CAPRIN2: variants seen among roughly 807,000 people sequenced by gnomAD.
CAPRIN2 encodes caprin family member 2.
In CAPRIN2, 66 loss-of-function variants were observed where a neutral mutation model predicts 130.4. The ratio of observed to expected loss-of-function variants is 0.51; its 90% confidence interval spans 0.42 to 0.62. The LOEUF is 0.62. CAPRIN2 is among the 20% of genes least tolerant of loss of function. The pLI is 0.00. For synonymous variants in CAPRIN2, 471 were observed against 444.1 expected (o/e 1.06, Z -0.76); for missense variants, 1,185 against 1,246.6 (o/e 0.95, Z 0.74).
At chr12:30,714,420 T>C (rs2056670640) in intron 14 of CAPRIN2, among the ~76,000 whole-genome samples, 1 of 152,204 alleles carries the variant, frequency 6.6e-6, no homozygotes, top group Admixed American at 6.5e-5. Context: ...CTGGCCTCAA[T>C]GATCCTCCTA....
chr12:30,751,400 T>C (rs1344007889), intron 1 of CAPRIN2: 1 of 376,130 alleles, frequency 2.7e-6, no homozygotes, highest in Non-Finnish European at 5.0e-6. Context: ...ATAACTAGAC[T>C]ACTTAACCCA....
intron 2 of CAPRIN2, 85 bp downstream of exon 3, chr12:30,750,986 A>G: frequency 2.1e-6 from 2 of 971,388 alleles, no homozygotes; most frequent in South Asian, 1.3e-5. Context: ...TGTGTGTGCT[A>G]TAAAGACTGA....
At chr12:30,715,525 G>C (rs1565552765) in intron 13 of CAPRIN2, 1 of 441,152 alleles carries the variant, frequency 2.3e-6, no homozygotes, top group East Asian at 7.0e-5. Context: ...GGAGGAGGAG[G>C]AGTTAGTATT....
At chr12:30,713,732 C>G (rs1056036736) in intron 15 of CAPRIN2, 53 bp downstream of exon 17, 10 of 1,048,596 alleles carry the variant, frequency 9.5e-6, no homozygotes, top group Non-Finnish European at 1.5e-5. Flanking sequence ...CAATCACCAG[C>G]TTAACATCAA....
chr12:30,751,316 A>T, intron 1 of CAPRIN2, 183 bp from the exon 3 acceptor site: 1 of 584,538 alleles, frequency 1.7e-6, no homozygotes, highest in Non-Finnish European at 3.1e-6. Flanking sequence ...GAGAAAAAAT[A>T]CACAGAATCA....
intron 11 of CAPRIN2, among the ~76,000 whole-genome samples, chr12:30,721,593 G>A (rs2059428091): frequency 6.6e-6 from 1 of 152,168 alleles, no homozygotes; most frequent in Non-Finnish European, 1.5e-5. Context: ...CGCACAACAG[G>A]TATTCAAATA....
chr12:30,729,060 TG>T lies in CAPRIN2; in HGVS notation c.1369del (p.Gln457ArgfsTer103). On this transcript the variant is annotated frameshift_variant, in exon 8 of 17. Transcript: ENST00000298892. LOFTEE classifies it high-confidence loss of function. ...GGATTTGGAGATCTCCTGCTTCTTC[TG>T]CTCTTCCGGCAGAGTAGACCTGAGT... is the stretch of plus-strand genomic sequence containing the variant. The T allele has an allele frequency of 1.2e-6, 2 of 1,614,176 alleles. No individual in the cohort carries two copies. The highest frequency in any genetic ancestry group is 1.7e-6 in the Non-Finnish European group (2 of 1,180,030).
At chr12:30,734,878 A>T in intron 4 of CAPRIN2, 90 bp downstream of exon 5, 1 of 753,404 alleles carries the variant, frequency 1.3e-6, no homozygotes, top group Non-Finnish European at 2.3e-6. Context: ...ACACACACAC[A>T]CACACACACT....
intron 2 of CAPRIN2, among the ~76,000 whole-genome samples, chr12:30,742,908 C>T (rs541186524): frequency 6.6e-6 from 1 of 152,210 alleles, no homozygotes; most frequent in East Asian, 1.9e-4. Flanking sequence ...CTTCCTGCTA[C>T]AGAAACAAGA....
chr12:30,748,038 T>C (rs1372903800), intron 2 of CAPRIN2, among the ~76,000 whole-genome samples: 1 of 152,238 alleles, frequency 6.6e-6, no homozygotes, highest in Non-Finnish European at 1.5e-5. Context: ...TTGCTTCTTA[T>C]GAATGAGCAA....
intron 10 of CAPRIN2, 147 bp from the exon 12 acceptor site, chr12:30,723,461 G>C: frequency 1.7e-6 from 1 of 593,192 alleles, no homozygotes; most frequent in Non-Finnish European, 3.0e-6. Context: ...TTCTATTAGA[G>C]TTTTAACAAG....
At chr12:30,742,901 C>G (rs1041207839) in intron 2 of CAPRIN2, among the ~76,000 whole-genome samples, 2 of 152,072 alleles carry the variant, frequency 1.3e-5, no homozygotes, top group African/African-American at 4.8e-5. Context: ...CAGAGATCTT[C>G]CTGCTACAGA....
chr12:30,728,619 CA>C, intron 8 of CAPRIN2, 28 bp downstream of exon 9: 1 of 1,528,468 alleles, frequency 6.5e-7, no homozygotes, highest in Non-Finnish European at 8.8e-7. Flanking sequence ...CCTACACTTA[CA>C]GAAGCAGAAT....
At chr12:30,712,870 T>C in intron 15 of CAPRIN2, among the ~76,000 whole-genome samples, 1 of 151,468 alleles carries the variant, frequency 6.6e-6, no homozygotes, top group Admixed American at 6.6e-5. Flanking sequence ...GCCTCCTGAG[T>C]AGCTGGGATT....
chr12:30,738,322 A>C (rs2065816345), intron 3 of CAPRIN2, among the ~76,000 whole-genome samples: 1 of 152,076 alleles, frequency 6.6e-6, no homozygotes, highest in Non-Finnish European at 1.5e-5. Flanking sequence ...AAAAAACAAA[A>C]CAGATAAGAC....
chr12:30,752,638 C>G (rs960964166), intron 1 of CAPRIN2, among the ~76,000 whole-genome samples: 5 of 149,330 alleles, frequency 3.3e-5, no homozygotes, highest in African/African-American at 4.9e-5. Context: ...CCATTAAAAG[C>G]AACTTTAAGG....
chr12:30,733,483 A>G (rs1309591256), intron 5 of CAPRIN2, 146 bp downstream of exon 6: 52 of 627,114 alleles, frequency 8.3e-5, no homozygotes, highest in Non-Finnish European at 1.3e-4. Context: ...AGAACTAAAC[A>G]AAGGGATCAT....
chr12:30,728,596 C>A, intron 8 of CAPRIN2, 52 bp downstream of exon 9: 1 of 1,392,558 alleles, frequency 7.2e-7, no homozygotes, highest in Admixed American at 2.3e-5. Flanking sequence ...ATTACCACGA[C>A]ACCTTATTTA....
At chr12:30,726,471 TC>T (rs1279263993) in intron 8 of CAPRIN2, among the ~76,000 whole-genome samples, 1 of 152,106 alleles carries the variant, frequency 6.6e-6, no homozygotes, top group Non-Finnish European at 1.5e-5. Flanking sequence ...TAAATGTACA[TC>T]CCAGTTTTAA....
Sources: allele counts gnomAD v4.1 joint callset (sites outside exome capture counted in the v4.1 genomes callset), GRCh38; gene constraint gnomAD v4.1.1; transcripts MANE v1.5; gene names NCBI Gene and HGNC (gene_info 2026-07-23, HGNC 2026-07-21).